Variants in CD47 observed in about 807,000 individuals in gnomAD.
CD47 encodes leukocyte surface antigen CD47.
A neutral mutation model predicts 44.6 loss-of-function variants in CD47; 11 were observed. That is an observed-to-expected ratio of 0.25 (90% CI 0.16 to 0.41). CD47 has a LOEUF of 0.41. Ranked by LOEUF, CD47 falls within the 10% of genes least tolerant of loss-of-function variation. The probability of loss-of-function intolerance (pLI) is 1.00; values close to 1 mark genes in which losing one functional copy is unlikely to be tolerated. For synonymous variants in CD47, 140 were observed against 136.3 expected, an observed-to-expected ratio of 1.03 and a Z score of -0.19; for missense variants, 306 against 386.7, an observed-to-expected ratio of 0.79 and a Z score of 1.75.
At chr3:108,051,628 G>A in intron 8 of CD47, 2 of 498,120 alleles carry the variant, frequency 4.0e-6, no homozygotes, top group South Asian at 3.0e-5. Flanking sequence ...CAACAGGTGA[G>A]GTGATATATT....
rs1434841207 is a variant in CD47 at position 108,090,979 on chromosome 3, G to A, written c.-71C>T. The A allele has an allele frequency of 3.4e-6, 4 of 1,161,410 alleles. No individual in the cohort carries two copies. Among genetic ancestry groups the A allele is most frequent in the East Asian group, 6.6e-5 (2 of 30,100 alleles). 71.9% of individuals were successfully genotyped at this position (1,161,410 alleles called of 1,614,324 possible). A position where few individuals can be genotyped will look rare whatever the true frequency, so the allele number is the denominator to read the frequency against. On this transcript the variant is annotated 5_prime_UTR_variant, in exon 1 of 11. Transcript: ENST00000361309. Reference sequence around the variant, plus strand: ...AGCAGCAGCCGCCGCCGCCGTTACAGGCAGGACCGACCGCCGCCGCGCGTC... The same window carrying A: ...AGCAGCAGCCGCCGCCGCCGTTACAAGCAGGACCGACCGCCGCCGCGCGTC...
chr3:108,087,778 T>C (rs1242912167), intron 1 of CD47, among the ~76,000 whole-genome samples: 2 of 152,168 alleles, frequency 1.3e-5, no homozygotes, highest in South Asian at 2.1e-4. Flanking sequence ...AACTGCTCCA[T>C]GGATTTGGAA....
At chr3:108,063,706 T>C (rs1470596550) in intron 3 of CD47, among the ~76,000 whole-genome samples, 1 of 152,234 alleles carries the variant, frequency 6.6e-6, no homozygotes, top group Non-Finnish European at 1.5e-5. Flanking sequence ...AATGTGTTGT[T>C]AACAGCAGGC....
At chr3:108,059,795 G>T (rs2108234484) in intron 4 of CD47, among the ~76,000 whole-genome samples, 1 of 152,236 alleles carries the variant, frequency 6.6e-6, no homozygotes, top group East Asian at 1.9e-4. Context: ...ATTCCAGTGA[G>T]AAACTGTGTA....
intron 3 of CD47, among the ~76,000 whole-genome samples, chr3:108,070,726 C>T (rs916243783): frequency 6.6e-6 from 1 of 152,112 alleles, no homozygotes; most frequent in Non-Finnish European, 1.5e-5. Context: ...GTATAACGTC[C>T]TACCTTAAAA....
At chr3:108,083,212 T>C (rs1311606927) in intron 1 of CD47, among the ~76,000 whole-genome samples, 1 of 151,968 alleles carries the variant, frequency 6.6e-6, no homozygotes, top group Admixed American at 6.6e-5. Context: ...AATTAGCAAA[T>C]AAAATGGGAA....
intron 7 of CD47, chr3:108,054,765 A>C (rs1243712408): frequency 1.3e-5 from 2 of 152,236 alleles, no homozygotes; most frequent in Admixed American, 1.3e-4. Context: ...CATAGATATA[A>C]ATTCTACGTA....
intron 7 of CD47, among the ~76,000 whole-genome samples, chr3:108,057,066 A>G (rs1191664607): frequency 6.6e-6 from 1 of 152,216 alleles, no homozygotes; most frequent in Non-Finnish European, 1.5e-5. Context: ...TCTGTGCAGG[A>G]CAGCTCTATC....
At chr3:108,083,825 T>C (rs1328406125) in intron 1 of CD47, among the ~76,000 whole-genome samples, 1 of 151,760 alleles carries the variant, frequency 6.6e-6, no homozygotes, top group African/African-American at 2.4e-5. Context: ...AACTGAAACC[T>C]TCAGAGGAGA....
rs2078674471 is a variant in CD47, at chr3:108,044,120, A to C, written c.*3168T>G. 1 of 152,640 alleles carries C rather than the reference A, an allele frequency of 6.6e-6. No individual in the cohort carries two copies. The highest frequency in any genetic ancestry group is 1.5e-5 in the Non-Finnish European group (1 of 68,034). The allele number at this position is 152,640 out of a possible 1,614,324, so 9.5% of individuals were successfully genotyped here. A position where few individuals can be genotyped will look rare whatever the true frequency, so the allele number is the denominator to read the frequency against. On this transcript the variant is annotated 3_prime_UTR_variant, in exon 11 of 11. Transcript: ENST00000361309. ...TTCCATACATACACCACAGATCCCC[A>C]TTTTTGAATACCCATTTTAAGACAA...
At chr3:108,054,905 A>C (rs2108227111) in intron 7 of CD47, among the ~76,000 whole-genome samples, 1 of 152,316 alleles carries the variant, frequency 6.6e-6, no homozygotes, top group Non-Finnish European at 1.5e-5. Flanking sequence ...ATGGCTTTAA[A>C]AATGAGAAAG....
In CD47 at chr3:108,058,344, A is replaced by G; in HGVS notation, c.777T>C (p.Cys259=). ...YILAVVGLSL[C]IAACIPMHGP... is the part of the protein sequence containing the mutation. ...CAGAAAGATGACTCTTACCCGCAAT[A>G]CAGAGACTCAGTCCAACCACAGCGA... The change falls in exon 6 of 11, where the codon TGT becomes TGC. Residue 259 remains cysteine (C), a synonymous_variant. Transcript: ENST00000361309. The G allele has an allele frequency of 6.4e-7, 1 of 1,555,554 alleles. No individual in the cohort carries two copies. The highest frequency in any genetic ancestry group is 1.4e-5 in the African/African-American group (1 of 73,970).
intron 1 of CD47, among the ~76,000 whole-genome samples, chr3:108,080,948 A>G (rs1357742681): frequency 6.6e-6 from 1 of 151,816 alleles, no homozygotes; most frequent in African/African-American, 2.4e-5. Flanking sequence ...GAAAAAAAAA[A>G]CATTATCTGT....
intron 8 of CD47, 96 bp downstream of exon 8, chr3:108,051,843 G>A: frequency 1.1e-6 from 1 of 926,406 alleles, no homozygotes; most frequent in Non-Finnish European, 1.8e-6. Context: ...AATTTGACGT[G>A]AGACAAAACA....
chr3:108,079,584 A>C (rs148202035), intron 2 of CD47, among the ~76,000 whole-genome samples: 4 of 149,118 alleles, frequency 2.7e-5, no homozygotes, highest in Admixed American at 6.7e-5. Flanking sequence ...AAAAAAAAAA[A>C]AAAAAAAAAA....
At chr3:108,048,592 G>C (rs1363100836) in intron 10 of CD47, among the ~76,000 whole-genome samples, 1 of 151,926 alleles carries the variant, frequency 6.6e-6, no homozygotes, top group Non-Finnish European at 1.5e-5. Flanking sequence ...CACCGTGTTA[G>C]CCAGGATGGT....
chr3:108,059,969 T>A (rs74885884), intron 4 of CD47, among the ~76,000 whole-genome samples: 5,758 of 152,290 alleles, frequency 0.038, 130 homozygotes, highest in African/African-American at 0.064. Flanking sequence ...ATATTACACC[T>A]GCACTGCATT....
chr3:108,067,607 G>T (rs540954418), intron 3 of CD47, among the ~76,000 whole-genome samples: 2 of 152,152 alleles, frequency 1.3e-5, no homozygotes, highest in Non-Finnish European at 2.9e-5. Flanking sequence ...CAAACAAAGC[G>T]TCTGAAATTC....
At chr3:108,079,959 A>C in intron 2 of CD47, 32 bp downstream of exon 2, 2 of 1,480,282 alleles carry the variant, frequency 1.4e-6, no homozygotes, top group Non-Finnish European at 1.9e-6. Context: ...CACCAGGACA[A>C]ATAAAAAAAG....
Sources: allele counts gnomAD v4.1 joint callset (sites outside exome capture counted in the v4.1 genomes callset), GRCh38; gene constraint gnomAD v4.1.1; transcripts MANE v1.5; gene names NCBI Gene and HGNC (gene_info 2026-07-23, HGNC 2026-07-21).